The following INPP4A variants were observed in gnomAD, a reference collection of about 807,000 sequenced individuals.
INPP4A encodes inositol polyphosphate-4-phosphatase type I A.
In INPP4A, 33 loss-of-function variants were observed where a neutral mutation model predicts 119.8. The observed-to-expected ratio is 0.28, with a 90% CI of 0.21 to 0.37. The LOEUF is 0.37. INPP4A is among the 10% of genes least tolerant of loss of function. INPP4A has a pLI of 1.00. For missense variants in INPP4A, 956 were observed against 1,289.9 expected, an observed-to-expected ratio of 0.74 and a Z score of 3.97; for synonymous variants, 496 against 500.7, an observed-to-expected ratio of 0.99 and a Z score of 0.12.
At chr2:98,450,681 A>G (rs76054969) in intron 1 of INPP4A, among the ~76,000 whole-genome samples, 9 of 152,340 alleles carry the variant, frequency 5.9e-5, no homozygotes, top group East Asian at 5.8e-4. Flanking sequence ...AAGCATTACA[A>G]TGGATTCGTA....
chr2:98,471,848 C>G (rs1401113898), intron 1 of INPP4A, among the ~76,000 whole-genome samples: 1 of 152,162 alleles, frequency 6.6e-6, no homozygotes, highest in Non-Finnish European at 1.5e-5. Context: ...TGAAATTCTG[C>G]CACAGGCCAA....
intron 4 of INPP4A, among the ~76,000 whole-genome samples, chr2:98,528,366 A>G (rs541775604): frequency 6.6e-6 from 1 of 152,374 alleles, no homozygotes; most frequent in African/African-American, 2.4e-5. Flanking sequence ...AACAGAAAGG[A>G]AAAAAGAATG....
intron 1 of INPP4A, among the ~76,000 whole-genome samples, chr2:98,478,364 G>A (rs1054542923): frequency 2.0e-5 from 3 of 152,144 alleles, no homozygotes; most frequent in African/African-American, 7.2e-5. Context: ...CAAGTCCAGG[G>A]AGCTTTTACA....
chr2:98,592,768 C>T lies in INPP4A; in HGVS notation c.*5160C>T, dbSNP rs1700458835. The stretch of plus-strand genomic sequence containing the variant: ...CTGACCTCCTGATGCCCTGCTGACG[C>T]TAACTGTGGGTACCAACCAGCACCG... On this transcript the variant is annotated 3_prime_UTR_variant, in exon 25 of 25. Coordinates refer to ENST00000409851, the MANE Select transcript of INPP4A (RefSeq NM_001134225.2). 6.6e-6 allele frequency: 1 copy of T among 152,392 alleles called. No individual in the cohort carries two copies. The highest frequency in any genetic ancestry group is 2.4e-5 in the African/African-American group (1 of 41,466). 9.4% of individuals were successfully genotyped at this position (152,392 alleles called of 1,614,324 possible).
chr2:98,570,791 G>A lies in INPP4A; in HGVS notation c.2519-2024G>A, dbSNP rs966238594. ...GGAGGAAATATGCTCAGGTTGGGCA[G>A]CCTCAGTCTCCCCAGTAAAACAGGT... On this transcript the variant is annotated intron_variant, in intron 22 of 24. Transcript: ENST00000409851. This position sits in a 1 kb window ranked among gnomAD's most constrained non-coding sequence, Gnocchi z 4.3. Among the ~76,000 whole-genome samples the A allele has an allele frequency of 6.6e-6, 1 of 152,176 alleles. No homozygotes were observed. The highest frequency in any genetic ancestry group is 1.5e-5 in the Non-Finnish European group (1 of 68,018).
At chr2:98,544,591 C>T (rs991112705) in intron 11 of INPP4A, among the ~76,000 whole-genome samples, 1 of 152,218 alleles carries the variant, frequency 6.6e-6, no homozygotes, top group African/African-American at 2.4e-5. Flanking sequence ...ACTCTCAGGG[C>T]AGATTTGGAA....
At chr2:98,506,189 C>T (rs1004565539) in intron 1 of INPP4A, among the ~76,000 whole-genome samples, 3 of 151,796 alleles carry the variant, frequency 2.0e-5, no homozygotes, top group African/African-American at 4.8e-5. Context: ...GGGGACAGGG[C>T]GGGACATAAT....
In INPP4A at chr2:98,544,917, C is replaced by T. The variant is rs139912264; in HGVS notation, c.949+910C>T. 3.7e-3 allele frequency among the ~76,000 whole-genome samples: 568 copies of T among 152,270 alleles called. 7 individuals are homozygous for T. The highest frequency in any genetic ancestry group is 0.013 in the African/African-American group (550 of 41,554). ...ACTAGGAGAAACGGCAACATTTGCC[C>T]AGGAAGGAACCAAGGGACTCACCCA... On this transcript the variant is annotated intron_variant, in intron 11 of 24. Coordinates refer to ENST00000409851, the MANE Select transcript of INPP4A (RefSeq NM_001134225.2).
At chr2:98,567,388 TG>T (rs1401537015) in intron 21 of INPP4A, among the ~76,000 whole-genome samples, 1 of 151,810 alleles carries the variant, frequency 6.6e-6, no homozygotes, top group Non-Finnish European at 1.5e-5. Flanking sequence ...CAGAGGCAGG[TG>T]GTGAGCTGGG....
chr2:98,444,771 A>AGTGGGGCGGGGGTCGCAGGGC (rs1310967794), upstream of INPP4A: 1 of 148,782 alleles, frequency 6.7e-6, no homozygotes, highest in Non-Finnish European at 1.5e-5. Flanking sequence ...TCGGGCTGGT[A>AGTGGGGCGGGGGTCGCAGGGC]GTGGGGCGGG....
intron 10 of INPP4A, among the ~76,000 whole-genome samples, chr2:98,540,392 A>G (rs1405170984): frequency 6.6e-6 from 1 of 152,238 alleles, no homozygotes; most frequent in African/African-American, 2.4e-5. Flanking sequence ...CTGTGGTCCC[A>G]TAAGGGTCTT....
chr2:98,522,963 G>C (rs1326966741), intron 4 of INPP4A, among the ~76,000 whole-genome samples: 1 of 152,202 alleles, frequency 6.6e-6, no homozygotes, highest in African/African-American at 2.4e-5. Context: ...GAGTTGTACA[G>C]CAAAAATTTA....
chr2:98,450,878 ACTC>A (rs1695106360), intron 1 of INPP4A, among the ~76,000 whole-genome samples: 1 of 151,954 alleles, frequency 6.6e-6, no homozygotes, highest in Non-Finnish European at 1.5e-5. Flanking sequence ...TTCAAGCAGT[ACTC>A]CTGCCTCACC....
chr2:98,479,819 C>A (rs957733455), intron 1 of INPP4A, among the ~76,000 whole-genome samples: 1 of 152,190 alleles, frequency 6.6e-6, no homozygotes, highest in Non-Finnish European at 1.5e-5. Flanking sequence ...TGTGCCTGGC[C>A]CTGGGCTGTC....
intron 4 of INPP4A, chr2:98,521,026 A>G (rs1687085079): frequency 3.5e-6 from 1 of 286,564 alleles, no homozygotes; most frequent in African/African-American, 2.2e-5. Flanking sequence ...TAGAGCTGCC[A>G]ACAGAGACCC....
chr2:98,549,655 C>G (rs1424034747), intron 13 of INPP4A, among the ~76,000 whole-genome samples: 1 of 152,206 alleles, frequency 6.6e-6, no homozygotes, highest in Non-Finnish European at 1.5e-5. Flanking sequence ...GCCTCAGAGC[C>G]TGTGACCCAT....
intron 1 of INPP4A, among the ~76,000 whole-genome samples, chr2:98,465,946 G>T (rs1001433335): frequency 6.6e-6 from 1 of 152,058 alleles, no homozygotes; most frequent in South Asian, 2.1e-4. Context: ...TGCCCACCTT[G>T]CTCAGTCTCT....
rs1383054858 is a variant in INPP4A at position 98,593,393 on chromosome 2, G to GTCTC, written c.*5787_*5790dup. 2 of 152,446 alleles carry GTCTC rather than the reference G, an allele frequency of 1.3e-5. No individual in the cohort carries two copies. Among genetic ancestry groups the GTCTC allele is most frequent in the Non-Finnish European group, 2.9e-5 (2 of 68,106 alleles). 9.4% of individuals were successfully genotyped at this position (152,446 alleles called of 1,614,324 possible). A position where few individuals can be genotyped will look rare whatever the true frequency, so the allele number is the denominator to read the frequency against. On this transcript the variant is annotated 3_prime_UTR_variant, in exon 25 of 25. Transcript: ENST00000409851. ...CCTGACTCTCTCCTGGTGGTCCTAC[G>GTCTC]TCTCTGACCATCCCTCCTCACTCTC...
chr2:98,565,915 G>A lies in INPP4A; in HGVS notation c.2280-114G>A. On this transcript the variant is annotated intron_variant, in intron 20 of 24. Coordinates refer to ENST00000409851, the MANE Select transcript of INPP4A (RefSeq NM_001134225.2). ...CCTAGGTTAGTGCCACTCCCTTAAA[G>A]GTCTGTGGTTGGCAGTTTGGCCATC... is the stretch of plus-strand genomic sequence containing the variant. 14 of 1,497,600 alleles carry A rather than the reference G, an allele frequency of 9.3e-6. No homozygotes were observed. In the South Asian group the frequency reaches 1.3e-4, roughly 13 times the overall value. The allele number at this position is 1,497,600 out of a possible 1,614,324, so 92.8% of individuals were successfully genotyped here.
Sources: allele counts gnomAD v4.1 joint callset (sites outside exome capture counted in the v4.1 genomes callset), GRCh38; gene constraint gnomAD v4.1.1; non-coding constraint Gnocchi (gnomAD v3.1); transcripts MANE v1.5; gene names NCBI Gene and HGNC (gene_info 2026-07-23, HGNC 2026-07-21).